Variants in SEH1L observed in about 807,000 individuals in gnomAD.
SEH1L encodes SEH1 like nucleoporin.
Under a neutral mutation model 49.5 loss-of-function variants are expected in SEH1L, and 18 were observed. The observed-to-expected ratio is 0.36, with a 90% CI of 0.25 to 0.54. The LOEUF is 0.54. SEH1L is among the 20% of genes least tolerant of loss of function. The probability of loss-of-function intolerance (pLI) is 0.87; values close to 1 mark genes in which losing one functional copy is unlikely to be tolerated. For missense variants in SEH1L, 404 were observed against 528.8 expected, an observed-to-expected ratio of 0.76 and a Z score of 2.31; for synonymous variants, 169 against 178.1, an observed-to-expected ratio of 0.95 and a Z score of 0.41.
At chr18:12,982,834 A>G in intron 7 of SEH1L, 159 bp downstream of exon 7, 1 of 577,028 alleles carries the variant, frequency 1.7e-6, no homozygotes, top group East Asian at 3.1e-5. Flanking sequence ...TACCTAGTTC[A>G]TAGAAGTTAA....
intron 6 of SEH1L, among the ~76,000 whole-genome samples, chr18:12,980,210 G>T (rs1024282973): frequency 1.5e-5 from 1 of 67,174 alleles, no homozygotes; most frequent in African/African-American, 5.8e-5. Context: ...CGGGCGGGGG[G>T]CTGACCCCCC....
chr18:12,966,726 C>A (rs753601099), intron 4 of SEH1L, among the ~76,000 whole-genome samples: 1 of 152,050 alleles, frequency 6.6e-6, no homozygotes, highest in Non-Finnish European at 1.5e-5. Context: ...CTCAGTGGTC[C>A]CTTTAAAAAT....
At chr18:12,959,864 C>T (rs2031088533) in intron 3 of SEH1L, among the ~76,000 whole-genome samples, 1 of 152,124 alleles carries the variant, frequency 6.6e-6, no homozygotes, top group African/African-American at 2.4e-5. Flanking sequence ...CTTGTATCCC[C>T]AATGTGGAGC....
chr18:12,967,577 T>C (rs2031505459), intron 4 of SEH1L, among the ~76,000 whole-genome samples: 1 of 152,180 alleles, frequency 6.6e-6, no homozygotes, highest in Non-Finnish European at 1.5e-5. Flanking sequence ...ATCAGGCAAC[T>C]GGATTTTTTT....
chr18:12,986,040 T>C (rs1042643365), intron 8 of SEH1L: 3 of 975,916 alleles, frequency 3.1e-6, no homozygotes, highest in South Asian at 4.7e-5. Context: ...CTTAGCTTCC[T>C]TCAAATCAAA....
Position 12,984,138 on chromosome 18 carries a change from G to C in SEH1L, c.1018G>C (p.Gly340Arg), listed in dbSNP as rs73953326. The C allele has an allele frequency of 1.4e-5, 22 of 1,613,990 alleles. No homozygotes were observed. The African/African-American group carries it at 2.8e-4, about 21-fold the overall frequency. Residue 340 changes from glycine to arginine, a missense_variant, in exon 8 of 9, where the codon GGT becomes CGT. Transcript: ENST00000399892. ...GCAGGGAACCTCAAATCCTTCCCTAGGTTCAACTATTCCAAGTCTTCAGAA... is the reference window on the plus strand; with the variant it reads ...GCAGGGAACCTCAAATCCTTCCCTACGTTCAACTATTCCAAGTCTTCAGAA... ...SQQGTSNPSL[G>R]STIPSLQNSL...
chr18:12,975,484 T>A (rs563658570), intron 5 of SEH1L, among the ~76,000 whole-genome samples: 4 of 151,844 alleles, frequency 2.6e-5, no homozygotes, highest in South Asian at 4.2e-4. Context: ...TTTCAGCTGA[T>A]GATGTTTGAG....
rs958939044 is a variant in SEH1L at position 12,952,525 on chromosome 18, C to T, written c.162+620C>T. ...GTTTATAGGCATGAGCCACTGTGCC[C>T]GGCCAAGTAGAAATTTTCATACCTT... is the stretch of plus-strand genomic sequence containing the variant. On this transcript the variant is annotated intron_variant, in intron 2 of 8. Transcript: ENST00000399892. Among the ~76,000 whole-genome samples the T allele has an allele frequency of 2.9e-4, 44 of 152,142 alleles. No individual in the cohort carries two copies. The Middle Eastern group carries it at 0.014, about 47-fold the overall frequency.
chr18:12,962,455 C>CTTTTTT (rs1257873600), intron 3 of SEH1L, among the ~76,000 whole-genome samples: 7 of 90,040 alleles, frequency 7.8e-5, no homozygotes, highest in African/African-American at 2.2e-4. Context: ...AATTGCATGC[C>CTTTTTT]TTTCTTTTTT....
At chr18:12,962,780 A>T (rs575562572) in intron 3 of SEH1L, among the ~76,000 whole-genome samples, 18 of 151,888 alleles carry the variant, frequency 1.2e-4, no homozygotes, top group Non-Finnish European at 2.5e-4. Context: ...ACTCATTTAC[A>T]GTTAAAGGGT....
chr18:12,986,387 C>T, intron 8 of SEH1L: 1 of 985,476 alleles, frequency 1.0e-6, no homozygotes, highest in African/African-American at 1.7e-5. Context: ...AAGCATGTTG[C>T]AGTAGCCAGC....
rs528792920 is a variant in SEH1L at position 12,961,872 on chromosome 18, G to A, written c.310-1288G>A. On this transcript the variant is annotated intron_variant, in intron 3 of 8. Coordinates refer to ENST00000399892, the MANE Select transcript of SEH1L (RefSeq NM_001013437.2). Reference sequence around the variant, plus strand: ...AGTAGAGATGGGGTTTCACCATGTTGGACAGGCTGGTCTTGAACTCCTGAC... The same window carrying A: ...AGTAGAGATGGGGTTTCACCATGTTAGACAGGCTGGTCTTGAACTCCTGAC... Among the ~76,000 whole-genome samples the A allele has an allele frequency of 2.0e-4, 31 of 152,170 alleles. 1 individual carries two copies. The South Asian group carries it at 2.5e-3, about 12-fold the overall frequency.
intron 8 of SEH1L, chr18:12,985,712 TA>T: frequency 3.1e-6 from 3 of 953,098 alleles, no homozygotes; most frequent in Non-Finnish European, 3.7e-6. Flanking sequence ...AAATATTTTT[TA>T]TAAAGATTGT....
intron 6 of SEH1L, among the ~76,000 whole-genome samples, chr18:12,980,899 G>C (rs2032215175): frequency 6.7e-6 from 1 of 149,764 alleles, no homozygotes; most frequent in Admixed American, 6.6e-5. Flanking sequence ...CTTCCGGACG[G>C]GGCGGCTGGC....
intron 6 of SEH1L, among the ~76,000 whole-genome samples, chr18:12,980,299 C>T (rs1365174149): frequency 7.5e-6 from 1 of 133,622 alleles, no homozygotes; most frequent in African/African-American, 2.7e-5. Flanking sequence ...AGGGGCTCCT[C>T]ACTTCCCAGT....
chr18:12,952,606 T>G (rs1037918317), intron 2 of SEH1L, among the ~76,000 whole-genome samples: 1 of 152,176 alleles, frequency 6.6e-6, no homozygotes, highest in African/African-American at 2.4e-5. Context: ...CTTACATAGT[T>G]GTGTAGTCAT....
intron 8 of SEH1L, chr18:12,985,356 C>G (rs552870007): frequency 6.5e-7 from 1 of 1,529,010 alleles, no homozygotes; most frequent in African/African-American, 1.4e-5. Flanking sequence ...TTTGACCTCT[C>G]CCAAGATACA....
At chr18:12,962,852 T>C (rs1225546190) in intron 3 of SEH1L, among the ~76,000 whole-genome samples, 1 of 150,862 alleles carries the variant, frequency 6.6e-6, no homozygotes, top group Non-Finnish European at 1.5e-5. Context: ...AACATTTTCT[T>C]TTTTTTTTGT....
At position 12,987,009 on chromosome 18, in the gene SEH1L, A is replaced by G. The variant is rs1423198645; in HGVS notation, c.1218A>G (p.Arg406=). The G allele has an allele frequency of 5.0e-6, 8 of 1,613,160 alleles. No individual in the cohort carries two copies. The Admixed American group carries it at 6.7e-5, about 13-fold the overall frequency. Residue 406 remains arginine, a synonymous_variant, in exon 9 of 9, where the codon CGA becomes CGG. Transcript: ENST00000399892. ...TCCAGTATCCTCACCCTCGCAGACGATATCTCTCTCGGCCTCTTAATCCCT... is the reference window on the plus strand; with the variant it reads ...TCCAGTATCCTCACCCTCGCAGACGGTATCTCTCTCGGCCTCTTAATCCCT... ...ANLQYPHPRR[R]YLSRPLNPLP...
Sources: allele counts gnomAD v4.1 joint callset (sites outside exome capture counted in the v4.1 genomes callset), GRCh38; gene constraint gnomAD v4.1.1; transcripts MANE v1.5; gene names NCBI Gene and HGNC (gene_info 2026-07-23, HGNC 2026-07-21).